PODXL: variants seen among roughly 807,000 people sequenced by gnomAD.
PODXL encodes the protein podocalyxin like.
Under a neutral mutation model 48.9 loss-of-function variants are expected in PODXL, and 20 were observed. That is an observed-to-expected ratio of 0.41 (90% CI 0.29 to 0.59). The LOEUF is 0.59. PODXL is among the 20% of genes least tolerant of loss of function. The pLI is 0.31. For synonymous variants in PODXL, 295 were observed against 287.4 expected, an observed-to-expected ratio of 1.03 and a Z score of -0.27; for missense variants, 606 against 675.1, an observed-to-expected ratio of 0.90 and a Z score of 1.13.
At chr7:131,518,194 A>G (rs1176064122) in intron 1 of PODXL, among the ~76,000 whole-genome samples, 1 of 152,128 alleles carries the variant, frequency 6.6e-6, no homozygotes, top group East Asian at 1.9e-4. Flanking sequence ...GGACCTGAAC[A>G]TGTCTTTTTG....
chr7:131,507,716 A>G (rs3800688), intron 5 of PODXL, among the ~76,000 whole-genome samples: 43,632 of 151,358 alleles, frequency 0.29, 6,828 homozygotes, highest in East Asian at 0.41. Flanking sequence ...CTACCAAGCT[A>G]CATCCAAAAA....
chr7:131,551,201 A>G (rs193238252), intron 1 of PODXL, among the ~76,000 whole-genome samples: 13 of 152,326 alleles, frequency 8.5e-5, no homozygotes, highest in Admixed American at 2.6e-4. Flanking sequence ...CAGATCTGCT[A>G]CATCACTTGA....
At chr7:131,515,440 C>T (rs1387834566) in intron 1 of PODXL, among the ~76,000 whole-genome samples, 1 of 151,972 alleles carries the variant, frequency 6.6e-6, no homozygotes. Context: ...TCGCTCCTGT[C>T]GCCCAAGCTG....
chr7:131,525,090 A>G (rs936704326), intron 1 of PODXL, among the ~76,000 whole-genome samples: 1 of 152,016 alleles, frequency 6.6e-6, no homozygotes, highest in African/African-American at 2.4e-5. Context: ...GGAGGAGCAG[A>G]CTCCTCAACT....
At chr7:131,531,449 T>C (rs1033775946) in intron 1 of PODXL, among the ~76,000 whole-genome samples, 1 of 152,172 alleles carries the variant, frequency 6.6e-6, no homozygotes, top group South Asian at 2.1e-4. Flanking sequence ...CGCCAACCAG[T>C]GTCGGCTCTC....
chr7:131,543,162 A>T (rs79196107), intron 1 of PODXL, among the ~76,000 whole-genome samples: 2,631 of 152,176 alleles, frequency 0.017, 64 homozygotes, highest in African/African-American at 0.058. Context: ...TTGTTATGTC[A>T]TCCATGCTGG....
At chr7:131,537,598 ACCC>A (rs1798398406) in intron 1 of PODXL, among the ~76,000 whole-genome samples, 3 of 71,228 alleles carry the variant, frequency 4.2e-5, no homozygotes, top group Admixed American at 1.7e-4. Context: ...GCCCCACCCC[ACCC>A]CACCCCCCCA....
intron 1 of PODXL, chr7:131,520,391 G>T: frequency 5.0e-6 from 2 of 396,790 alleles, no homozygotes; most frequent in Middle Eastern, 4.0e-4. Context: ...ATCCCTGTGC[G>T]GTTGTCCAGG....
intron 5 of PODXL, 30 bp from the exon 6 acceptor site, chr7:131,506,756 C>A: frequency 6.2e-7 from 1 of 1,610,838 alleles, no homozygotes; most frequent in East Asian, 2.2e-5. Flanking sequence ...GGTGACTCCG[C>A]GGGGAGCGTG....
chr7:131,524,379 C>CACACAGAGAGAGAGAGAGAGAGAGAG (rs746255906), intron 1 of PODXL, among the ~76,000 whole-genome samples: 18 of 104,096 alleles, frequency 1.7e-4, no homozygotes, highest in South Asian at 3.6e-4. Flanking sequence ...CACACACACA[C>CACACAGAGAGAGAGAGAGAGAGAGAG]AGAGAGAGAG....
intron 1 of PODXL, among the ~76,000 whole-genome samples, chr7:131,545,185 C>A (rs150776120): frequency 1.3e-3 from 205 of 152,302 alleles, no homozygotes; most frequent in African/African-American, 4.6e-3. Context: ...TTTAACAGAG[C>A]CTCCCACTTC....
intron 1 of PODXL, among the ~76,000 whole-genome samples, chr7:131,533,481 C>T (rs997480026): frequency 6.6e-6 from 1 of 152,160 alleles, no homozygotes; most frequent in African/African-American, 2.4e-5. Flanking sequence ...GGGTGGGGCC[C>T]GTCTGCCTGC....
intron 1 of PODXL, among the ~76,000 whole-genome samples, chr7:131,542,539 C>A (rs528252700): frequency 6.6e-6 from 1 of 152,106 alleles, no homozygotes. Context: ...TGCCTGTGGT[C>A]CCAGCTACAC....
At chr7:131,512,571 T>C (rs1405597264) in intron 1 of PODXL, among the ~76,000 whole-genome samples, 1 of 152,000 alleles carries the variant, frequency 6.6e-6, no homozygotes. Flanking sequence ...CAAGCAGGAA[T>C]GGAGTTTGGT....
At chr7:131,531,308 C>T (rs1798277306) in intron 1 of PODXL, among the ~76,000 whole-genome samples, 1 of 152,184 alleles carries the variant, frequency 6.6e-6, no homozygotes, top group Admixed American at 6.5e-5. Context: ...AGTATCTCCC[C>T]CTCTCTACCC....
rs967818159 is a variant in PODXL at position 131,506,100 on chromosome 7, GT to G, written c.1312-66del. ...CTCTCCCTCAGCCCCCGGCTTCACT[GT>G]AGAGCCCCTCCGCTTGCAGTCTGCT... On this transcript the variant is annotated intron_variant, in intron 7 of 8. Transcript: ENST00000378555. 22 of 1,572,168 alleles carry G rather than the reference GT, an allele frequency of 1.4e-5. No individual in the cohort carries two copies. The African/African-American group carries it at 3.0e-4, about 21-fold the overall frequency.
chr7:131,516,686 G>A (rs1220714735), intron 1 of PODXL, among the ~76,000 whole-genome samples: 1 of 148,830 alleles, frequency 6.7e-6, no homozygotes, highest in African/African-American at 2.5e-5. Flanking sequence ...AAATGAGAAT[G>A]TATTATAAAT....
intron 3 of PODXL, 67 bp downstream of exon 3, chr7:131,510,169 C>T (rs1797883370): frequency 2.7e-5 from 12 of 439,756 alleles, no homozygotes; most frequent in South Asian, 1.9e-4. Flanking sequence ...TAGGTTAAGA[C>T]AAGCTCTTAT....
chr7:131,509,069 A>AT lies in PODXL; in HGVS notation c.1024-42dup, dbSNP rs752853929. On this transcript the variant is annotated intron_variant, in intron 4 of 8. Coordinates refer to ENST00000378555, the MANE Select transcript of PODXL (RefSeq NM_001018111.3). ...GAGATTAAGGTTTGGGCTAATAGTC[A>AT]TGGAATCTTTGACATTTCCCCCCAA... 1.2e-5 allele frequency: 19 copies of AT among 1,531,774 alleles called. No individual in the cohort carries two copies. In the South Asian group the frequency reaches 2.1e-4, roughly 17 times the overall value. 94.9% of individuals were successfully genotyped at this position (1,531,774 alleles called of 1,614,324 possible).
Sources: gnomAD v4.1 joint callset for allele counts (sites outside exome capture counted in the v4.1 genomes callset) on GRCh38, gnomAD v4.1.1 for gene constraint, MANE v1.5 for transcripts, NCBI Gene and HGNC (gene_info 2026-07-23, HGNC 2026-07-21) for gene names.